The following ZNF624 variants were observed in gnomAD, a reference collection of about 807,000 sequenced individuals.
The protein encoded by ZNF624 is zinc finger protein 624.
In ZNF624, 43 loss-of-function variants were observed where a neutral mutation model predicts 74.7. The observed-to-expected ratio is 0.58, with a 90% confidence interval of 0.45 to 0.74. The LOEUF (loss-of-function observed/expected upper bound fraction) is 0.74. Among genes scored for constraint, ZNF624 ranks in the 30% least tolerant of loss-of-function variants. The probability of loss-of-function intolerance (pLI) is 0.00; values close to 1 mark genes in which losing one functional copy is unlikely to be tolerated. For synonymous variants in ZNF624, 331 were observed against 341.3 expected, an observed-to-expected ratio of 0.97 and a Z score of 0.33; for missense variants, 820 against 1,030.0, an observed-to-expected ratio of 0.80 and a Z score of 2.79.
chr17:16,615,459 A>G, the ZNF624 span, among the ~76,000 whole-genome samples: 1 of 152,198 alleles, frequency 6.6e-6, no homozygotes, highest in Non-Finnish European at 1.5e-5. Context: ...ATATGACTTA[A>G]TGGCACTGAA....
chr17:16,629,506 G>A (rs1376305577), intron 5 of ZNF624, among the ~76,000 whole-genome samples: 1 of 151,830 alleles, frequency 6.6e-6, no homozygotes, highest in African/African-American at 2.4e-5. Flanking sequence ...CCCATCATCT[G>A]TTTCTGTATA....
chr17:16,649,553 C>T (rs1909669446), intron 2 of ZNF624, 105 bp downstream of exon 2: 2 of 1,008,244 alleles, frequency 2.0e-6, no homozygotes, highest in South Asian at 2.8e-5. Context: ...TAGTTGAGTT[C>T]CCAGAAGGGG....
At chr17:16,639,020 GA>G (rs1467579500) in intron 3 of ZNF624, among the ~76,000 whole-genome samples, 1 of 152,152 alleles carries the variant, frequency 6.6e-6, no homozygotes, top group East Asian at 1.9e-4. Context: ...TACAAATAAG[GA>G]AAGTGAGGCA....
chr17:16,630,293 T>C (rs1909175037), intron 5 of ZNF624, among the ~76,000 whole-genome samples: 2 of 150,104 alleles, frequency 1.3e-5, no homozygotes, highest in African/African-American at 4.9e-5. Context: ...GTGGTGGCTA[T>C]TGCTTGTAAT....
intron 5 of ZNF624, among the ~76,000 whole-genome samples, chr17:16,629,197 C>CAAAAA (rs34250278): frequency 5.0e-5 from 3 of 59,492 alleles, no homozygotes; most frequent in Non-Finnish European, 6.7e-5. Context: ...GACTCCATCT[C>CAAAAA]AAAAAAAAAA....
intron 5 of ZNF624, chr17:16,624,882 A>AAAAAC (rs1909030791): frequency 5.5e-6 from 1 of 182,240 alleles, no homozygotes; most frequent in Non-Finnish European, 1.1e-5. Context: ...AAAAAAAAAA[A>AAAAAC]AAAAATTAGC....
chr17:16,646,663 G>C (rs2142650666), intron 3 of ZNF624, among the ~76,000 whole-genome samples: 1 of 152,126 alleles, frequency 6.6e-6, no homozygotes, highest in South Asian at 2.1e-4. Context: ...ATAACTTTGG[G>C]GATTATCTTT....
chr17:16,650,413 T>TAATAAC, intron 1 of ZNF624, among the ~76,000 whole-genome samples: 1 of 139,920 alleles, frequency 7.1e-6, no homozygotes, highest in Non-Finnish European at 1.5e-5. Flanking sequence ...GAAGCAGGTA[T>TAATAAC]AATAATAATA....
At chr17:16,624,689 T>TA in intron 5 of ZNF624, 180 bp from the exon 6 acceptor site, 1 of 553,992 alleles carries the variant, frequency 1.8e-6, no homozygotes, top group Non-Finnish European at 3.0e-6. Context: ...TAGCAAAAAC[T>TA]AAAGTAGCAA....
downstream of ZNF624, chr17:16,617,269 C>A (rs1908809826): frequency 6.2e-6 from 10 of 1,613,370 alleles, no homozygotes; most frequent in East Asian, 2.2e-4. Context: ...ACTCCTACTT[C>A]GTGACCATCT....
At chr17:16,629,176 C>T (rs1352179549) in intron 5 of ZNF624, among the ~76,000 whole-genome samples, 5 of 122,238 alleles carry the variant, frequency 4.1e-5, no homozygotes, top group East Asian at 2.7e-4. Flanking sequence ...CCAGCCTGGG[C>T]GACAGAGCGA....
downstream of ZNF624, among the ~76,000 whole-genome samples, chr17:16,618,717 A>G (rs1040450433): frequency 4.6e-5 from 7 of 152,206 alleles, no homozygotes; most frequent in African/African-American, 1.7e-4. Context: ...CGTGAAGACG[A>G]TGAGGATAAA....
chr17:16,647,474 CACTGTGGATGCAGTGTAT>C, intron 2 of ZNF624, 80 bp from the exon 3 acceptor site: 1 of 1,164,990 alleles, frequency 8.6e-7, no homozygotes, highest in Non-Finnish European at 1.3e-6. Flanking sequence ...ACCACCAATC[CACTGTGGATGCAGTGTAT>C]ACAGGATGAC....
At chr17:16,626,244 C>T (rs1909069380) in intron 5 of ZNF624, among the ~76,000 whole-genome samples, 1 of 152,140 alleles carries the variant, frequency 6.6e-6, no homozygotes, top group Non-Finnish European at 1.5e-5. Flanking sequence ...AGCCACTGTG[C>T]CCAGCCAATT....
At chr17:16,625,208 T>C (rs1379632061) in intron 5 of ZNF624, among the ~76,000 whole-genome samples, 14 of 152,174 alleles carry the variant, frequency 9.2e-5, no homozygotes, top group Non-Finnish European at 1.8e-4. Context: ...TGGAGACAGA[T>C]ACTTGCTGTG....
intron 1 of ZNF624, among the ~76,000 whole-genome samples, chr17:16,651,663 C>T (rs1909728219): frequency 2.6e-5 from 4 of 152,106 alleles, no homozygotes. Context: ...GCCAGTGTTT[C>T]TCTAGATTTT....
intron 3 of ZNF624, among the ~76,000 whole-genome samples, chr17:16,645,867 G>A (rs533782647): frequency 7.0e-6 from 1 of 142,946 alleles, no homozygotes; most frequent in East Asian, 2.2e-4. Flanking sequence ...CAGGAGAATC[G>A]CTTGTACCCG....
chr17:16,638,911 C>T (rs1909402778), intron 3 of ZNF624, among the ~76,000 whole-genome samples: 2 of 152,158 alleles, frequency 1.3e-5, no homozygotes, highest in Middle Eastern at 3.2e-3. Flanking sequence ...GTAAACTACT[C>T]TCCCCACTTC....
At chr17:16,618,016 C>T (rs1908828395), downstream of ZNF624, 1 of 604,074 alleles carries the variant, frequency 1.7e-6, no homozygotes, top group African/African-American at 1.9e-5. Flanking sequence ...TCCAGCCACA[C>T]AATGGTTAGC....
Sources: gnomAD v4.1 joint callset for allele counts (sites outside exome capture counted in the v4.1 genomes callset) on GRCh38, gnomAD v4.1.1 for gene constraint, MANE v1.5 for transcripts, NCBI Gene and HGNC (gene_info 2026-07-23, HGNC 2026-07-21) for gene names.